Variants in ORC4 observed in about 807,000 individuals in gnomAD.
ORC4 encodes origin recognition complex, subunit 4 homolog.
ORC4 carries 55 observed loss-of-function variants against 63.9 expected under a neutral mutation model. The ratio of observed to expected loss-of-function variants is 0.86; its 90% CI spans 0.69 to 1.08. The LOEUF is 1.08. Among genes scored for constraint, ORC4 ranks in the 50% least tolerant of loss-of-function variants. The pLI is 0.00. For missense variants in ORC4, 511 were observed against 504.4 expected, an observed-to-expected ratio of 1.01 and a Z score of -0.13; for synonymous variants, 150 against 168.5, an observed-to-expected ratio of 0.89 and a Z score of 0.85.
intron 4 of ORC4, among the ~76,000 whole-genome samples, chr2:147,964,253 G>A (rs1040135909): frequency 6.6e-6 from 1 of 151,988 alleles, no homozygotes; most frequent in Non-Finnish European, 1.5e-5. Flanking sequence ...GAAATTAACA[G>A]AGATACCATA....
chr2:147,991,381 AT>A (rs1168668901), intron 1 of ORC4, among the ~76,000 whole-genome samples: 1 of 152,164 alleles, frequency 6.6e-6, no homozygotes, highest in African/African-American at 2.4e-5. Flanking sequence ...TACTTACTTT[AT>A]AAAGTACCTA....
At chr2:147,942,276 A>G (rs1306869925) in intron 10 of ORC4, among the ~76,000 whole-genome samples, 1 of 152,146 alleles carries the variant, frequency 6.6e-6, no homozygotes, top group Non-Finnish European at 1.5e-5. Context: ...GGTATTTGCC[A>G]TAATTTTCTA....
At chr2:147,951,777 A>C (rs1295764946) in intron 8 of ORC4, 2 of 152,528 alleles carry the variant, frequency 1.3e-5, no homozygotes, top group African/African-American at 4.8e-5. Context: ...TGCGTGTAAG[A>C]AGGTAAACAC....
intron 1 of ORC4, among the ~76,000 whole-genome samples, chr2:147,983,530 T>A (rs961562216): frequency 6.6e-6 from 1 of 152,146 alleles, no homozygotes; most frequent in Non-Finnish European, 1.5e-5. Context: ...AGCCTGTAGA[T>A]CAGGGGGTCA....
chr2:147,980,609 A>G (rs912975665), intron 1 of ORC4, among the ~76,000 whole-genome samples: 2 of 152,224 alleles, frequency 1.3e-5, no homozygotes, highest in Admixed American at 6.5e-5. Flanking sequence ...GAAAATTCTC[A>G]GTGTTACTAA....
intron 7 of ORC4, among the ~76,000 whole-genome samples, chr2:147,952,762 C>G (rs1239018287): frequency 6.6e-6 from 1 of 152,168 alleles, no homozygotes; most frequent in African/African-American, 2.4e-5. Context: ...CGTGGTGGCT[C>G]ATGCCTGTAA....
chr2:147,989,657 A>C (rs1175531274), intron 1 of ORC4, among the ~76,000 whole-genome samples: 3 of 152,176 alleles, frequency 2.0e-5, no homozygotes, highest in Non-Finnish European at 4.4e-5. Context: ...CAGTGAGCCA[A>C]GATCGCCAAC....
intron 1 of ORC4, among the ~76,000 whole-genome samples, chr2:148,000,997 T>G (rs1160475234): frequency 1.3e-5 from 2 of 152,014 alleles, no homozygotes; most frequent in East Asian, 3.9e-4. Context: ...GATACAGAAG[T>G]ATATACCAAA....
intron 1 of ORC4, among the ~76,000 whole-genome samples, chr2:147,991,931 A>G (rs530585397): frequency 5.3e-5 from 8 of 152,348 alleles, no homozygotes; most frequent in Non-Finnish European, 1.2e-4. Flanking sequence ...GTGTTGATGA[A>G]TGAATAAAAA....
At chr2:147,969,784 C>G (rs1690104741) in intron 4 of ORC4, among the ~76,000 whole-genome samples, 1 of 151,874 alleles carries the variant, frequency 6.6e-6, no homozygotes, top group African/African-American at 2.4e-5. Flanking sequence ...ACAATACCCT[C>G]TAAATTTATA....
chr2:148,019,207 G>A (rs191164015), intron 1 of ORC4, among the ~76,000 whole-genome samples: 289 of 152,314 alleles, frequency 1.9e-3, no homozygotes, highest in Non-Finnish European at 3.6e-3. Context: ...TAAGGGCTAA[G>A]CAATGATGCA....
chr2:147,996,330 T>C lies in ORC4; in HGVS notation c.-17-20355A>G, dbSNP rs113974440. The stretch of plus-strand genomic sequence containing the variant: ...AAAACAAACAAACAAACAAACAAAA[T>C]TCCAAAAATGTAACACAAAAGAAAA... On this transcript the variant is annotated intron_variant, in intron 1 of 13. Coordinates refer to ENST00000392857, the MANE Select transcript of ORC4 (RefSeq NM_181741.4). Among the ~76,000 whole-genome samples, 395 of 152,028 alleles carry C rather than the reference T, an allele frequency of 2.6e-3. 1 individual carries two copies. Among genetic ancestry groups the C allele is most frequent in the African/African-American group, 8.9e-3 (370 of 41,512 alleles).
At chr2:147,967,612 A>C (rs1163828131) in intron 4 of ORC4, among the ~76,000 whole-genome samples, 1 of 152,076 alleles carries the variant, frequency 6.6e-6, no homozygotes, top group Non-Finnish European at 1.5e-5. Context: ...AGTTTTGTAC[A>C]AGGAAAACTA....
chr2:148,019,105 A>G (rs1444884888), intron 1 of ORC4, among the ~76,000 whole-genome samples: 1 of 152,118 alleles, frequency 6.6e-6, no homozygotes, highest in Non-Finnish European at 1.5e-5. Context: ...ATAAAGACAG[A>G]CAATTGGTTA....
Position 147,958,303 on chromosome 2 carries a change from C to T in ORC4, c.382G>A (p.Val128Ile), listed in dbSNP as rs757515201. 4.4e-6 allele frequency: 7 copies of T among 1,600,992 alleles called. No individual in the cohort carries two copies. In the East Asian group the frequency reaches 1.6e-4, roughly 36 times the overall value. The stretch of plus-strand genomic sequence containing the variant: ...ATAACTGAAATGATACTTACAAAAA[C>T]TTTATCTCCAACTACATTTTCCAGA... ...LNLENVVGDK[V>I]FGSFAENLSF... is the part of the protein sequence containing the mutation. The change falls in exon 6 of 14, where the codon GTT (valine) becomes ATT (isoleucine). Residue 128 changes from valine (V) to isoleucine (I), a missense_variant. Val to Ile is a conservative substitution (Grantham distance 29). Transcript: ENST00000392857.
At position 147,956,268 on chromosome 2, in the gene ORC4, T is replaced by C. The variant is rs17225493; in HGVS notation, c.388-873A>G. The stretch of plus-strand genomic sequence containing the variant: ...ACTTTCACATATTGTGATGTTGTTA[T>C]GCTATTTCCAAGGCAGGCAGACCAA... On this transcript the variant is annotated intron_variant, in intron 6 of 13. Transcript: ENST00000392857. Among the ~76,000 whole-genome samples the C allele has an allele frequency of 1.7e-4, 26 of 152,226 alleles. No homozygotes were observed. The East Asian group carries it at 2.9e-3, about 17-fold the overall frequency.
Position 147,958,311 on chromosome 2 carries a change from C to T in ORC4, c.374G>A (p.Gly125Glu), listed in dbSNP as rs1689377429. ...TRQLNLENVV[G>E]DKVFGSFAEN... Reference sequence around the variant, plus strand: ...AATGATACTTACAAAAACTTTATCTCCAACTACATTTTCCAGATTTAACTG... The same window carrying T: ...AATGATACTTACAAAAACTTTATCTTCAACTACATTTTCCAGATTTAACTG... Residue 125 changes from glycine to glutamate, a missense_variant, in exon 6 of 14, where the codon GGA (glycine) becomes GAA (glutamate). Gly to Glu is a moderately conservative substitution (Grantham distance 98). Coordinates refer to ENST00000392857, the MANE Select transcript of ORC4 (RefSeq NM_181741.4). 1 of 1,607,670 alleles carries T rather than the reference C, an allele frequency of 6.2e-7. No homozygotes were observed. The highest frequency in any genetic ancestry group is 1.3e-5 in the African/African-American group (1 of 74,884).
chr2:147,995,393 C>T (rs1403762671), intron 1 of ORC4, among the ~76,000 whole-genome samples: 1 of 152,040 alleles, frequency 6.6e-6, no homozygotes, highest in African/African-American at 2.4e-5. Context: ...TAAAAGTTGG[C>T]ATGGACCAAT....
chr2:147,994,225 T>A (rs1691798935), intron 1 of ORC4, among the ~76,000 whole-genome samples: 1 of 152,202 alleles, frequency 6.6e-6, no homozygotes, highest in South Asian at 2.1e-4. Flanking sequence ...AAAGTCTAAA[T>A]AAATGAGATC....
Sources: allele counts gnomAD v4.1 joint callset (sites outside exome capture counted in the v4.1 genomes callset), GRCh38; gene constraint gnomAD v4.1.1; transcripts MANE v1.5; gene names NCBI Gene and HGNC (gene_info 2026-07-23, HGNC 2026-07-21).